RMC1: variants seen among roughly 807,000 people sequenced by gnomAD.
RMC1 encodes regulator of MON1-CCZ1 complex.
In RMC1, 44 loss-of-function variants were observed where a neutral mutation model predicts 95.5. The ratio of observed to expected loss-of-function variants is 0.46; its 90% CI spans 0.36 to 0.59. The LOEUF (loss-of-function observed/expected upper bound fraction) is 0.59. Ranked by LOEUF, RMC1 falls within the 20% of genes least tolerant of loss-of-function variation. The probability of loss-of-function intolerance (pLI) is 0.00; values close to 1 mark genes in which losing one functional copy is unlikely to be tolerated. For missense variants in RMC1, 705 were observed against 819.6 expected (o/e 0.86, Z 1.71); for synonymous variants, 320 against 303.6 (o/e 1.05, Z -0.56).
chr18:23,512,864 C>T (rs146485581), intron 5 of RMC1, among the ~76,000 whole-genome samples: 1 of 152,244 alleles, frequency 6.6e-6, no homozygotes, highest in Non-Finnish European at 1.5e-5. Context: ...CTTTTTTCAT[C>T]TTGTGAAACC....
intron 14 of RMC1, chr18:23,528,871 C>T (rs1301550716): frequency 1.7e-5 from 4 of 241,938 alleles, no homozygotes; most frequent in African/African-American, 7.0e-5. Context: ...ATAATCTGCA[C>T]GGATCTGAAC....
At chr18:23,531,491 C>A in intron 19 of RMC1, 134 bp from the exon 20 acceptor site, 1 of 1,461,852 alleles carries the variant, frequency 6.8e-7, no homozygotes, top group Non-Finnish European at 9.0e-7. Context: ...ATAGGGTAAC[C>A]CCAAAACTTA....
At chr18:23,523,555 A>G (rs992868753) in intron 10 of RMC1, among the ~76,000 whole-genome samples, 4 of 112,858 alleles carry the variant, frequency 3.5e-5, no homozygotes, top group Admixed American at 1.8e-4. Flanking sequence ...AAAAAAAAAA[A>G]AAAAAAAAAA....
chr18:23,525,289 C>G (rs1370578130), intron 12 of RMC1, among the ~76,000 whole-genome samples: 1 of 151,992 alleles, frequency 6.6e-6, no homozygotes, highest in Non-Finnish European at 1.5e-5. Flanking sequence ...GCTCCGTCAC[C>G]CAGCCTGGAG....
At chr18:23,529,409 T>A in intron 15 of RMC1, 111 bp downstream of exon 15, 1 of 1,462,222 alleles carries the variant, frequency 6.8e-7, no homozygotes, top group South Asian at 1.4e-5. Context: ...TTAGAATCAC[T>A]GGAGTTTCCT....
In RMC1 at chr18:23,515,877, C is replaced by A; in HGVS notation, c.430C>A (p.Leu144Met). The A allele has an allele frequency of 6.2e-7, 1 of 1,614,148 alleles. No individual in the cohort carries two copies. Among genetic ancestry groups the A allele is most frequent in the Non-Finnish European group, 8.5e-7 (1 of 1,180,036 alleles). ...TCAGGTATTACCAGAGAAACGGAGT[C>A]TGAAACTCTTGAAGAGCCACAATCT... ...FYQVLPEKRS[L>M]KLLKSHNLNV... The change falls in exon 6 of 20, where the codon CTG becomes ATG. Residue 144 changes from leucine to methionine, a missense_variant. Physicochemically the swap from Leu to Met is conservative, Grantham distance 15. Coordinates refer to ENST00000269221, the MANE Select transcript of RMC1 (RefSeq NM_013326.5).
chr18:23,514,070 T>G (rs2145175137), intron 5 of RMC1, among the ~76,000 whole-genome samples: 1 of 152,314 alleles, frequency 6.6e-6, no homozygotes, highest in Admixed American at 6.5e-5. Context: ...CTGAGATCTC[T>G]AAGGGGAACT....
chr18:23,522,225 G>C (rs1439786910), intron 10 of RMC1: 1 of 152,220 alleles, frequency 6.6e-6, no homozygotes, highest in Admixed American at 6.5e-5. Context: ...TTGGCTTTCT[G>C]TGTTCTTTCA....
intron 2 of RMC1, among the ~76,000 whole-genome samples, chr18:23,505,445 G>T (rs1056693859): frequency 1.3e-5 from 2 of 152,222 alleles, no homozygotes; most frequent in Non-Finnish European, 2.9e-5. Flanking sequence ...GTTACATAGG[G>T]TGTCTCCACA....
chr18:23,507,025 T>C lies in RMC1; in HGVS notation c.235T>C (p.Leu79=), dbSNP rs1224404723. 29 of 1,609,644 alleles carry C rather than the reference T, an allele frequency of 1.8e-5. No individual in the cohort carries two copies. Among genetic ancestry groups the C allele is most frequent in the Non-Finnish European group, 2.4e-5 (28 of 1,177,710 alleles). Residue 79 remains leucine, a synonymous_variant, in exon 3 of 20, where the codon TTG becomes CTG. Transcript: ENST00000269221. ...TAAGTTTTCCTTAGAAAATAAGATA[T>C]TGGCTGTTCAGAGGACCTCAAAGAC... ...CIKFSLENKI[L]AVQRTSKTVD... is the part of the protein sequence containing the mutation.
intron 18 of RMC1, 22 bp from the exon 19 acceptor site, chr18:23,530,365 G>T: frequency 6.2e-7 from 1 of 1,613,992 alleles, no homozygotes; most frequent in East Asian, 2.2e-5. Flanking sequence ...CACTGACCTG[G>T]ACTTCTCTCC....
At chr18:23,519,196 A>G in intron 9 of RMC1, 22 bp downstream of exon 9, 1 of 1,602,528 alleles carries the variant, frequency 6.2e-7, no homozygotes, top group Non-Finnish European at 8.5e-7. Flanking sequence ...CTGCGTTTCT[A>G]CCAAAGTTAA....
chr18:23,504,218 C>T (rs188687916), intron 1 of RMC1, among the ~76,000 whole-genome samples, 153 bp from the exon 2 acceptor site: 68 of 152,352 alleles, frequency 4.5e-4, no homozygotes, highest in Admixed American at 4.4e-3. Context: ...TAAAATTCAC[C>T]TGAGCAGCCA....
At chr18:23,510,322 CAA>C (rs1041112782) in intron 5 of RMC1, among the ~76,000 whole-genome samples, 1 of 133,974 alleles carries the variant, frequency 7.5e-6, no homozygotes, top group Non-Finnish European at 1.6e-5. Context: ...GACCCCATCT[CAA>C]AAAAAAAAAC....
chr18:23,529,783 G>A (rs1477916975), intron 16 of RMC1, 71 bp downstream of exon 16: 4 of 1,441,360 alleles, frequency 2.8e-6, no homozygotes, highest in African/African-American at 2.8e-5. Context: ...CACTGTCTTA[G>A]AAGATGACTC....
chr18:23,523,294 C>A (rs1176464067), intron 10 of RMC1, among the ~76,000 whole-genome samples: 1 of 152,098 alleles, frequency 6.6e-6, no homozygotes, highest in Non-Finnish European at 1.5e-5. Context: ...GCCTGCATGG[C>A]TCATGAGCAG....
chr18:23,510,729 C>A (rs1171111351), intron 5 of RMC1, among the ~76,000 whole-genome samples: 2 of 152,068 alleles, frequency 1.3e-5, no homozygotes, highest in African/African-American at 4.8e-5. Context: ...TAAAAGAGCT[C>A]AACATCACTG....
intron 9 of RMC1, 123 bp from the exon 10 acceptor site, chr18:23,520,079 C>T (rs574737279): frequency 5.0e-5 from 35 of 700,096 alleles, no homozygotes; most frequent in African/African-American, 3.9e-4. Flanking sequence ...AAGAGCTAGC[C>T]TGTAGGGAGG....
chr18:23,507,140 GA>G (rs2057736103), intron 3 of RMC1, 86 bp downstream of exon 3: 2 of 942,280 alleles, frequency 2.1e-6, no homozygotes, highest in South Asian at 3.1e-5. Flanking sequence ...AGTGTTAAAG[GA>G]AACTTTTATT....
Sources: allele counts gnomAD v4.1 joint callset (sites outside exome capture counted in the v4.1 genomes callset), GRCh38; gene constraint gnomAD v4.1.1; transcripts MANE v1.5; gene names NCBI Gene and HGNC (gene_info 2026-07-23, HGNC 2026-07-21).